The following VPS53 variants were observed in gnomAD, a reference collection of about 807,000 sequenced individuals.
The protein encoded by VPS53 is vacuolar protein sorting-associated protein 53 homolog.
In VPS53, 70 loss-of-function variants were observed where a neutral mutation model predicts 107.0. The ratio of observed to expected loss-of-function variants is 0.65; its 90% CI spans 0.54 to 0.80. The LOEUF (loss-of-function observed/expected upper bound fraction) is 0.80, where lower values mean the gene tolerates loss of function less well. VPS53 is among the 30% of genes least tolerant of loss of function. The pLI is 0.00. For missense variants in VPS53, 917 were observed against 1,049.4 expected, an observed-to-expected ratio of 0.87 and a Z score of 1.74; for synonymous variants, 409 against 393.3, an observed-to-expected ratio of 1.04 and a Z score of -0.47.
At position 695,690 on chromosome 17, in the gene VPS53, C is replaced by T. The variant is rs564566690; in HGVS notation, c.285+1728G>A. ...TCGGCCTCCTCAGTAGCTGGGACTA[C>T]AGGCACAGGCCACCACCATGCCCAG... On this transcript the variant is annotated intron_variant, in intron 4 of 21. Transcript: ENST00000437048. Among the ~76,000 whole-genome samples the T allele has an allele frequency of 2.6e-5, 4 of 152,236 alleles. No homozygotes were observed. The East Asian group carries it at 7.7e-4, about 29-fold the overall frequency.
chr17:637,432 G>A (rs1298892627), intron 7 of VPS53, among the ~76,000 whole-genome samples: 1 of 152,192 alleles, frequency 6.6e-6, no homozygotes, highest in Non-Finnish European at 1.5e-5. Flanking sequence ...GTTCTGCTCT[G>A]ATCTTAGTTA....
chr17:613,493 TCA>T lies in VPS53; in HGVS notation c.1116+10038_1116+10039del, dbSNP rs1279435509. 2.0e-5 allele frequency among the ~76,000 whole-genome samples: 3 copies of T among 151,950 alleles called. No individual in the cohort carries two copies. In the East Asian group the frequency reaches 5.8e-4, roughly 30 times the overall value. On this transcript the variant is annotated intron_variant, in intron 11 of 21. Transcript: ENST00000437048. ...CTGTACAAATATTCACATAGTGAGT[TCA>T]CACAGTGAAAACCTGTACAAATATT...
chr17:561,613 T>C (rs1912999345), intron 14 of VPS53, among the ~76,000 whole-genome samples: 1 of 152,194 alleles, frequency 6.6e-6, no homozygotes, highest in South Asian at 2.1e-4. Flanking sequence ...GTAGTGGGAT[T>C]ATACATAATT....
At position 582,392 on chromosome 17, in the gene VPS53, C is replaced by T. The variant is rs147607892; in HGVS notation, c.1313+3878G>A. 1.3e-3 allele frequency among the ~76,000 whole-genome samples: 190 copies of T among 148,754 alleles called. 2 individuals are homozygous for T. The highest frequency in any genetic ancestry group is 4.5e-3 in the African/African-American group (186 of 41,180). On this transcript the variant is annotated intron_variant, in intron 13 of 21. Coordinates refer to ENST00000437048, the MANE Select transcript of VPS53 (RefSeq NM_001128159.3). ...CCTCCCTCACAACCCAGTGCGTTCC[C>T]AGAGAACCTCCCTCAGGACCTCAAT...
intron 17 of VPS53, among the ~76,000 whole-genome samples, chr17:547,426 A>G (rs953450811): frequency 6.6e-6 from 1 of 152,128 alleles, no homozygotes; most frequent in Admixed American, 6.5e-5. Flanking sequence ...CAAGCACAAG[A>G]TGTCCCACAT....
intron 13 of VPS53, among the ~76,000 whole-genome samples, chr17:564,397 G>A (rs1441581412): frequency 6.6e-6 from 1 of 152,184 alleles, no homozygotes; most frequent in South Asian, 2.1e-4. Context: ...AAAATTAGCC[G>A]GGCATGATGG....
At chr17:600,965 T>C (rs1368303487) in intron 12 of VPS53, 1 of 152,298 alleles carries the variant, frequency 6.6e-6, no homozygotes, top group Non-Finnish European at 1.5e-5. Context: ...TCTGCTCTCT[T>C]GGCTCCTGCC....
At position 552,820 on chromosome 17, in the gene VPS53, C is replaced by A. The variant is rs1911966626; in HGVS notation, c.1787+560G>T. The stretch of plus-strand genomic sequence containing the variant: ...CCAGTAGGGACTCATTCTGACCCAA[C>A]AGAAACCTCTTAGGTTCTGTAGTGA... On this transcript the variant is annotated intron_variant, in intron 16 of 21. Coordinates refer to ENST00000437048, the MANE Select transcript of VPS53 (RefSeq NM_001128159.3). 9.2e-6 allele frequency: 3 copies of A among 326,866 alleles called. No homozygotes were observed. In the South Asian group the frequency reaches 2.9e-4, roughly 31 times the overall value. 20.2% of individuals were successfully genotyped at this position (326,866 alleles called of 1,614,324 possible). A position where few individuals can be genotyped will look rare whatever the true frequency, so the allele number is the denominator to read the frequency against.
At chr17:703,591 G>A (rs761440412) in intron 2 of VPS53, among the ~76,000 whole-genome samples, 2 of 152,176 alleles carry the variant, frequency 1.3e-5, no homozygotes, top group East Asian at 1.9e-4. Flanking sequence ...TAGTTATAAT[G>A]TGGTTGTACA....
At position 642,976 on chromosome 17, in the gene VPS53, G is replaced by A. The variant is rs534058996; in HGVS notation, c.608+10315C>T. Among the ~76,000 whole-genome samples, 250 of 114,284 alleles carry A rather than the reference G, an allele frequency of 2.2e-3. 22 individuals carry two copies. The highest frequency in any genetic ancestry group is 3.8e-3 in the Non-Finnish European group (185 of 48,690). 75.0% of individuals were successfully genotyped at this position (114,284 alleles called of 152,430 possible). ...AGGACAACTCTCATACTTGGAAAGC[G>A]AGGACAACACTCATACTTGGAAAGC... On this transcript the variant is annotated intron_variant, in intron 7 of 21. Transcript: ENST00000437048.
chr17:540,857 A>G (rs1910580604), intron 17 of VPS53, among the ~76,000 whole-genome samples: 1 of 152,110 alleles, frequency 6.6e-6, no homozygotes, highest in Admixed American at 6.5e-5. Context: ...GGCAGGAAGT[A>G]TGTGCTCTGA....
intron 7 of VPS53, among the ~76,000 whole-genome samples, chr17:634,286 T>C (rs900914768): frequency 6.6e-6 from 1 of 152,210 alleles, no homozygotes; most frequent in Non-Finnish European, 1.5e-5. Context: ...TGACAGCACC[T>C]GGTATCACCA....
chr17:531,607 G>A (rs551263045), intron 19 of VPS53, among the ~76,000 whole-genome samples: 2 of 151,750 alleles, frequency 1.3e-5, no homozygotes, highest in African/African-American at 2.4e-5. Context: ...AGAATCCTCC[G>A]ACTTCAGCCT....
At chr17:601,703 C>T in intron 12 of VPS53, 92 bp downstream of exon 12, 1 of 977,298 alleles carries the variant, frequency 1.0e-6, no homozygotes, top group Non-Finnish European at 1.5e-6. Flanking sequence ...TGAACGTGGC[C>T]AAGAGCCAAA....
At chr17:526,674 C>T (rs1288575198) in intron 19 of VPS53, among the ~76,000 whole-genome samples, 2 of 152,328 alleles carry the variant, frequency 1.3e-5, no homozygotes, top group Non-Finnish European at 2.9e-5. Context: ...TCTGCCTCAG[C>T]GATAATTTCT....
At chr17:684,316 C>CA (rs938105710) in intron 4 of VPS53, among the ~76,000 whole-genome samples, 139 of 148,180 alleles carry the variant, frequency 9.4e-4, no homozygotes, top group Admixed American at 1.3e-3. Context: ...CAAAAGCCTA[C>CA]AAAAAAAAAA....
chr17:568,404 G>T lies in VPS53; in HGVS notation c.1314-5659C>A, dbSNP rs557762716. ...CTACAGGTGCACACCACCACACCTG[G>T]TTAATTTTTGTGGGCTTTTTTTTGT... On this transcript the variant is annotated intron_variant, in intron 13 of 21. Coordinates refer to ENST00000437048, the MANE Select transcript of VPS53 (RefSeq NM_001128159.3). 3.3e-3 allele frequency among the ~76,000 whole-genome samples: 434 copies of T among 131,552 alleles called. 2 individuals are homozygous for T. Among genetic ancestry groups the T allele is most frequent in the African/African-American group, 0.013 (411 of 31,484 alleles). The allele number at this position is 131,552 out of a possible 152,430, so 86.3% of individuals were successfully genotyped here. A position where few individuals can be genotyped will look rare whatever the true frequency, so the allele number is the denominator to read the frequency against.
At chr17:668,939 A>G (rs1024513182) in intron 4 of VPS53, among the ~76,000 whole-genome samples, 2 of 152,166 alleles carry the variant, frequency 1.3e-5, no homozygotes, top group African/African-American at 4.8e-5. Context: ...CTTACATGTC[A>G]CAGTCTCCAA....
At chr17:668,630 A>C (rs572986093) in intron 4 of VPS53, among the ~76,000 whole-genome samples, 107 of 152,340 alleles carry the variant, frequency 7.0e-4, no homozygotes, top group African/African-American at 2.5e-3. Context: ...TTTTCGACAC[A>C]GCTCACATGG....
Sources: allele counts gnomAD v4.1 joint callset (sites outside exome capture counted in the v4.1 genomes callset), GRCh38; gene constraint gnomAD v4.1.1; transcripts MANE v1.5; gene names NCBI Gene and HGNC (gene_info 2026-07-23, HGNC 2026-07-21).